The following ACOT7 variants were observed in gnomAD, a reference collection of about 807,000 sequenced individuals.
ACOT7 encodes cytosolic acyl coenzyme A thioester hydrolase.
ACOT7 carries 12 observed loss-of-function variants against 40.2 expected under a neutral mutation model. The ratio of observed to expected loss-of-function variants is 0.30; its 90% CI spans 0.19 to 0.48. The LOEUF (loss-of-function observed/expected upper bound fraction) is 0.48, where lower values mean the gene tolerates loss of function less well. Among genes scored for constraint, ACOT7 ranks in the 20% least tolerant of loss-of-function variants. The pLI, the probability that ACOT7 is intolerant of heterozygous loss-of-function variation, is 0.99. For missense variants in ACOT7, 395 were observed against 530.8 expected (o/e 0.74, Z 2.51); for synonymous variants, 228 against 219.5 (o/e 1.04, Z -0.34).
intron 5 of ACOT7, among the ~76,000 whole-genome samples, chr1:6,322,812 A>T (rs781007732): frequency 2.0e-5 from 3 of 152,150 alleles, no homozygotes; most frequent in Non-Finnish European, 4.4e-5. Context: ...AGCAACCATG[A>T]CCCAGAGGCA....
intron 7 of ACOT7, among the ~76,000 whole-genome samples, chr1:6,291,411 G>C (rs538909240): frequency 1.5e-4 from 23 of 152,230 alleles, no homozygotes; most frequent in Non-Finnish European, 2.6e-4. Flanking sequence ...GAAGCTGGAA[G>C]GGGCAGGGAC....
intron 1 of ACOT7, among the ~76,000 whole-genome samples, chr1:6,372,742 G>A (rs930636116): frequency 3.9e-5 from 6 of 151,984 alleles, no homozygotes; most frequent in Non-Finnish European, 5.9e-5. Flanking sequence ...TAGAGATGGC[G>A]TTTCACTATG....
Position 6,339,526 on chromosome 1 carries a change from C to T in ACOT7, c.325G>A (p.Gly109Ser), listed in dbSNP as rs1257929224. 6.2e-6 allele frequency: 10 copies of T among 1,613,512 alleles called. No homozygotes were observed. Among genetic ancestry groups the T allele is most frequent in the Non-Finnish European group, 7.6e-6 (9 of 1,180,038 alleles). Residue 109 changes from glycine to serine, a missense_variant, in exon 3 of 9, where the codon GGT (glycine) becomes AGT (serine). Gly to Ser is a moderately conservative substitution (Grantham distance 56, BLOSUM62 0). Transcript: ENST00000361521. ...TCCGCGCTGACATGCGCCACCTCAC[C>T]GATGCACATGGGAGACAGGAAGTCG... ...RTDFLSPMCI[G>S]EVAHVSAEIT...
In ACOT7 at chr1:6,349,772, G is replaced by C; in HGVS notation, c.238C>G (p.Arg80Gly). The C allele has an allele frequency of 6.2e-7, 1 of 1,613,874 alleles. No homozygotes were observed. Among genetic ancestry groups the C allele is most frequent in the Non-Finnish European group, 8.5e-7 (1 of 1,179,940 alleles). ...ACCCCGTTCTGGCTGTTGCAATGCC[G>C]GGTGCTGATGATGGCGCCTGCCTCC... ...IEEAGAIIST[R>G]HCNSQNGERC... The change falls in exon 2 of 9, where the codon CGG (arginine) becomes GGG (glycine). Residue 80 changes from arginine (R) to glycine (G), a missense_variant. Coordinates refer to ENST00000361521, the MANE Select transcript of ACOT7 (RefSeq NM_007274.4).
intron 8 of ACOT7, among the ~76,000 whole-genome samples, chr1:6,277,742 C>T (rs1639238298): frequency 6.6e-6 from 1 of 152,248 alleles, no homozygotes; most frequent in Admixed American, 6.5e-5. Flanking sequence ...TGTCCCCCGG[C>T]ACACTCCGAT....
intron 2 of ACOT7, among the ~76,000 whole-genome samples, chr1:6,347,502 C>T (rs530746196): frequency 2.0e-5 from 3 of 152,312 alleles, no homozygotes; most frequent in South Asian, 2.1e-4. Flanking sequence ...CAGTGGCTCA[C>T]GCCTGTAATC....
intron 4 of ACOT7, among the ~76,000 whole-genome samples, chr1:6,332,125 A>G (rs979411037): frequency 6.6e-6 from 1 of 152,178 alleles, no homozygotes; most frequent in African/African-American, 2.4e-5. Context: ...CAAAAAGAGC[A>G]GGCACCAATT....
Position 6,385,857 on chromosome 1 carries a change from G to A in ACOT7, c.143+7400C>T, listed in dbSNP as rs1341314002. On this transcript the variant is annotated intron_variant, in intron 1 of 8. Coordinates refer to ENST00000361521, the MANE Select transcript of ACOT7 (RefSeq NM_007274.4). ...CCGGCAAGCCGCCTCCTCGGCTTCC[G>A]GAACTGGATCACAGGATGTTCTCTA... is the stretch of plus-strand genomic sequence containing the variant. 10 of 1,399,950 alleles carry A rather than the reference G, an allele frequency of 7.1e-6. No individual in the cohort carries two copies. The South Asian group carries it at 1.2e-4, about 17-fold the overall frequency. The allele number at this position is 1,399,950 out of a possible 1,614,324, so 86.7% of individuals were successfully genotyped here.
At chr1:6,308,821 G>GACTGGGCGGAGGGAAAAGCC (rs1404956794) in intron 6 of ACOT7, among the ~76,000 whole-genome samples, 5 of 137,664 alleles carry the variant, frequency 3.6e-5, no homozygotes, top group Non-Finnish European at 7.9e-5. Flanking sequence ...AGGGAAAAGC[G>GACTGGGCGGAGGGAAAAGCC]ACTGGGCGGA....
In ACOT7 at chr1:6,311,456, G is replaced by A. The variant is rs904719843; in HGVS notation, c.712+7036C>T. Among the ~76,000 whole-genome samples, 49 of 152,176 alleles carry A rather than the reference G, an allele frequency of 3.2e-4. No homozygotes were observed. Among genetic ancestry groups the A allele is most frequent in the African/African-American group, 1.2e-3 (48 of 41,440 alleles). On this transcript the variant is annotated intron_variant, in intron 6 of 8. Transcript: ENST00000361521. The surrounding 1 kb of genome is among the most constrained non-coding windows in gnomAD (Gnocchi z 5.2). ...AGGTGCGGTGTTGGGGGTGCCAGCC[G>A]GGTCAGTTCCCCCAACAAAACCGGT... is the stretch of plus-strand genomic sequence containing the variant.
At chr1:6,292,502 G>C (rs977179838) in intron 7 of ACOT7, among the ~76,000 whole-genome samples, 1 of 152,212 alleles carries the variant, frequency 6.6e-6, no homozygotes, top group Admixed American at 6.5e-5. Flanking sequence ...ATGTCTTCTA[G>C]GTTGCTAAGT....
In ACOT7 at chr1:6,294,503, T is replaced by C. The variant is rs111925840; in HGVS notation, c.829+361A>G. 4.9e-4 allele frequency among the ~76,000 whole-genome samples: 75 copies of C among 152,332 alleles called. No homozygotes were observed. Among genetic ancestry groups the C allele is most frequent in the African/African-American group, 1.7e-3 (70 of 41,570 alleles). On this transcript the variant is annotated intron_variant, in intron 7 of 8. Coordinates refer to ENST00000361521, the MANE Select transcript of ACOT7 (RefSeq NM_007274.4). The surrounding 1 kb of genome is among the most constrained non-coding windows in gnomAD (Gnocchi z 4.6). The stretch of plus-strand genomic sequence containing the variant: ...CTGCCACTGCCTAAATCATGAATCA[T>C]TAATTCCGCTCCCAAAATGAAATGT...
intron 4 of ACOT7, among the ~76,000 whole-genome samples, chr1:6,328,459 G>A (rs1433587218): frequency 1.3e-5 from 2 of 152,032 alleles, no homozygotes; most frequent in Non-Finnish European, 1.5e-5. Flanking sequence ...TCAGGAGTTC[G>A]AGACTAGCCT....
intron 5 of ACOT7, among the ~76,000 whole-genome samples, chr1:6,325,852 C>G (rs1315091466): frequency 6.6e-6 from 1 of 152,156 alleles, no homozygotes; most frequent in African/African-American, 2.4e-5. Context: ...AACAATGCCC[C>G]GAGTCCAGGT....
intron 5 of ACOT7, 40 bp from the exon 6 acceptor site, chr1:6,318,618 T>C: frequency 6.3e-7 from 1 of 1,597,300 alleles, no homozygotes; most frequent in Admixed American, 1.7e-5. Context: ...TGGGGTAGGC[T>C]GATTCCCACA....
In ACOT7 at chr1:6,275,112, G is replaced by A. The variant is rs1033187683; in HGVS notation, c.1014+5990C>T. On this transcript the variant is annotated intron_variant, in intron 8 of 8. Coordinates refer to ENST00000361521, the MANE Select transcript of ACOT7 (RefSeq NM_007274.4). The surrounding 1 kb of genome is among the most constrained non-coding windows in gnomAD (Gnocchi z 5.6). ...CACACCAGCTCGCAGAGGGGTTGGCGTTCCCTGAAGCCTCCGGCTTCAATG... is the reference window on the plus strand; with the variant it reads ...CACACCAGCTCGCAGAGGGGTTGGCATTCCCTGAAGCCTCCGGCTTCAATG... Among the ~76,000 whole-genome samples the A allele has an allele frequency of 5.9e-5, 9 of 152,320 alleles. No homozygotes were observed. The highest frequency in any genetic ancestry group is 7.2e-5 in the African/African-American group (3 of 41,576).
intron 6 of ACOT7, among the ~76,000 whole-genome samples, chr1:6,305,987 G>A (rs1197258806): frequency 9.9e-5 from 15 of 152,134 alleles, no homozygotes; most frequent in African/African-American, 3.4e-4. Context: ...AGGAGCTGGA[G>A]ACCAGCCCGG....
At chr1:6,305,464 T>G in intron 6 of ACOT7, among the ~76,000 whole-genome samples, 1 of 146,360 alleles carries the variant, frequency 6.8e-6, no homozygotes, top group African/African-American at 2.5e-5. Flanking sequence ...CGCTCCTCAC[T>G]TCCCAGACGG....
intron 1 of ACOT7, among the ~76,000 whole-genome samples, chr1:6,357,374 G>A (rs1030786908): frequency 6.6e-6 from 1 of 152,258 alleles, no homozygotes; most frequent in Non-Finnish European, 1.5e-5. Context: ...GCCAGGTAAG[G>A]GTCTGGGGTA....
Sources: allele counts gnomAD v4.1 joint callset (sites outside exome capture counted in the v4.1 genomes callset), GRCh38; gene constraint gnomAD v4.1.1; non-coding constraint Gnocchi (gnomAD v3.1); transcripts MANE v1.5; gene names NCBI Gene and HGNC (gene_info 2026-07-23, HGNC 2026-07-21).